Variants in CCNJL observed in about 807,000 individuals in gnomAD.
CCNJL encodes cyclin J like.
CCNJL carries 33 observed loss-of-function variants against 33.4 expected under a neutral mutation model. The observed-to-expected ratio is 0.99, with a 90% confidence interval of 0.75 to 1.32. The LOEUF (loss-of-function observed/expected upper bound fraction) is 1.32. Among genes scored for constraint, CCNJL ranks in the 40% most tolerant of loss-of-function variants. CCNJL has a pLI of 0.00. For missense variants in CCNJL, 512 were observed against 499.7 expected, an observed-to-expected ratio of 1.02 and a Z score of -0.23; for synonymous variants, 227 against 220.9, an observed-to-expected ratio of 1.03 and a Z score of -0.24.
At chr5:160,259,185 C>A (rs2113233943) in intron 4 of CCNJL, among the ~76,000 whole-genome samples, 1 of 152,312 alleles carries the variant, frequency 6.6e-6, no homozygotes, top group East Asian at 1.9e-4. Flanking sequence ...CTATTTAATT[C>A]ATTTGCAATG....
intron 1 of CCNJL, among the ~76,000 whole-genome samples, chr5:160,332,153 A>G (rs763992996): frequency 2.6e-5 from 4 of 152,162 alleles, no homozygotes; most frequent in Non-Finnish European, 5.9e-5. Flanking sequence ...CACTAAGAAC[A>G]TAGGAAAAAT....
chr5:160,280,151 G>C (rs552900360), intron 3 of CCNJL, among the ~76,000 whole-genome samples: 136 of 152,274 alleles, frequency 8.9e-4, no homozygotes, highest in African/African-American at 3.1e-3. Context: ...GAGACAGGAG[G>C]TTGAGGGCAC....
intron 2 of CCNJL, among the ~76,000 whole-genome samples, chr5:160,286,628 A>T (rs1465462946): frequency 6.6e-6 from 1 of 151,734 alleles, no homozygotes; most frequent in Non-Finnish European, 1.5e-5. Flanking sequence ...ACAGAGTGAG[A>T]CTCTGTCTCA....
chr5:160,301,157 T>C (rs1035551928), intron 2 of CCNJL, among the ~76,000 whole-genome samples: 2 of 152,046 alleles, frequency 1.3e-5, no homozygotes, highest in African/African-American at 2.4e-5. Context: ...AGTGGGGAAA[T>C]GGATGAACAA....
intron 1 of CCNJL, among the ~76,000 whole-genome samples, chr5:160,337,458 T>C (rs533667182): frequency 1.3e-5 from 2 of 152,274 alleles, no homozygotes; most frequent in South Asian, 4.1e-4. Flanking sequence ...CCTCCAATTA[T>C]TTCACGTCTC....
intron 2 of CCNJL, among the ~76,000 whole-genome samples, chr5:160,310,148 A>G (rs975979795): frequency 8.5e-5 from 13 of 152,186 alleles, no homozygotes; most frequent in African/African-American, 3.1e-4. Flanking sequence ...CAACCACTTG[A>G]GTCTATGATA....
At chr5:160,260,548 G>A (rs1440553567) in intron 3 of CCNJL, among the ~76,000 whole-genome samples, 13 of 152,148 alleles carry the variant, frequency 8.5e-5, no homozygotes, top group Non-Finnish European at 1.5e-5. Flanking sequence ...AACCCCGGCA[G>A]TCATCAGTTG....
intron 2 of CCNJL, among the ~76,000 whole-genome samples, chr5:160,283,002 T>C (rs1370298083): frequency 1.1e-4 from 6 of 56,272 alleles, no homozygotes; most frequent in African/African-American, 5.5e-4. Flanking sequence ...TATATATATA[T>C]ATATATACAT....
intron 4 of CCNJL, chr5:160,258,518 T>G: frequency 6.6e-6 from 10 of 1,503,998 alleles, no homozygotes; most frequent in Non-Finnish European, 8.3e-6. Context: ...GAGGAAAATT[T>G]CTACCTTGAA....
chr5:160,336,260 T>C (rs1448522425), intron 1 of CCNJL, among the ~76,000 whole-genome samples: 1 of 152,162 alleles, frequency 6.6e-6, no homozygotes, highest in Non-Finnish European at 1.5e-5. Context: ...TGTGGCCTTA[T>C]TTGGAAAAAG....
chr5:160,283,024 T>C lies in CCNJL; in HGVS notation c.67-2286A>G, dbSNP rs1433344204. 2.0e-3 allele frequency among the ~76,000 whole-genome samples: 209 copies of C among 106,238 alleles called. 5 individuals are homozygous for C. The highest frequency in any genetic ancestry group is 7.4e-3 in the African/African-American group (201 of 27,216). 69.7% of individuals were successfully genotyped at this position (106,238 alleles called of 152,430 possible). ...ATATATATATACATATATATATATA[T>C]ATACCTAAGAGAAATGAAAACATAT... On this transcript the variant is annotated intron_variant, in intron 2 of 5. Transcript: ENST00000257536.
chr5:160,305,359 T>C (rs1763059548), intron 2 of CCNJL, among the ~76,000 whole-genome samples: 1 of 152,176 alleles, frequency 6.6e-6, no homozygotes, highest in African/African-American at 2.4e-5. Context: ...GAGGTGTCCT[T>C]TTCCCTGGCA....
chr5:160,338,794 C>CTTG (rs1378802911), intron 1 of CCNJL, among the ~76,000 whole-genome samples: 1 of 151,434 alleles, frequency 6.6e-6, no homozygotes, highest in Non-Finnish European at 1.5e-5. Flanking sequence ...AACTACTCTT[C>CTTG]TTCTTCTTTT....
At chr5:160,260,245 C>T (rs78184118) in intron 3 of CCNJL, among the ~76,000 whole-genome samples, 2,186 of 152,300 alleles carry the variant, frequency 0.014, 43 homozygotes, top group African/African-American at 0.049. Context: ...TGTCCCTCCA[C>T]GTGTAGAAAA....
intron 1 of CCNJL, among the ~76,000 whole-genome samples, chr5:160,325,889 G>A (rs540871655): frequency 6.6e-6 from 1 of 151,240 alleles, no homozygotes; most frequent in South Asian, 2.1e-4. Context: ...CCACCCATTT[G>A]TTTATATATT....
At chr5:160,304,837 G>T (rs1196005742) in intron 2 of CCNJL, among the ~76,000 whole-genome samples, 6 of 113,224 alleles carry the variant, frequency 5.3e-5, no homozygotes, top group Admixed American at 3.3e-4. Flanking sequence ...TTTTTTTAGA[G>T]GAAATCTCGC....
At chr5:160,311,365 C>T (rs2113458823) in intron 2 of CCNJL, among the ~76,000 whole-genome samples, 1 of 152,242 alleles carries the variant, frequency 6.6e-6, no homozygotes. Context: ...CATGTATTCC[C>T]TGTACTACCA....
chr5:160,270,160 A>G (rs1250816482), intron 3 of CCNJL, among the ~76,000 whole-genome samples: 1 of 151,786 alleles, frequency 6.6e-6, no homozygotes, highest in Non-Finnish European at 1.5e-5. Context: ...AAAAAAAAAA[A>G]AGTCTGGGCG....
At chr5:160,312,177 G>A (rs1325064374) in intron 1 of CCNJL, among the ~76,000 whole-genome samples, 187 bp downstream of exon 1, 2 of 152,332 alleles carry the variant, frequency 1.3e-5, no homozygotes, top group East Asian at 1.9e-4. Flanking sequence ...ATATGGAGCT[G>A]TGCAACAACT....
Sources: gnomAD v4.1 joint callset for allele counts (sites outside exome capture counted in the v4.1 genomes callset) on GRCh38, gnomAD v4.1.1 for gene constraint, MANE v1.5 for transcripts, NCBI Gene and HGNC (gene_info 2026-07-23, HGNC 2026-07-21) for gene names.